Variants in ENTREP2 observed in about 807,000 individuals in gnomAD.
The protein encoded by ENTREP2 is protein ENTREP2.
At chr15:29,400,312 A>C in the ENTREP2 span, among the ~76,000 whole-genome samples, 1 of 152,312 alleles carries the variant, frequency 6.6e-6, no homozygotes, top group South Asian at 2.1e-4. Context: ...GGTAAGCAAA[A>C]AGGCAGAATA....
chr15:29,530,508 G>A, the ENTREP2 span, among the ~76,000 whole-genome samples: 6 of 152,148 alleles, frequency 3.9e-5, no homozygotes, highest in Non-Finnish European at 7.3e-5. Context: ...GCAACTACCA[G>A]ATCGATCAAG....
the ENTREP2 span, among the ~76,000 whole-genome samples, chr15:29,625,068 A>C: frequency 6.6e-6 from 1 of 151,970 alleles, no homozygotes; most frequent in Non-Finnish European, 1.5e-5. Context: ...CCTGTTCTCT[A>C]TCTCTATAGT....
At chr15:29,208,683 G>A in the ENTREP2 span, among the ~76,000 whole-genome samples, 1 of 152,160 alleles carries the variant, frequency 6.6e-6, no homozygotes, top group African/African-American at 2.4e-5. Flanking sequence ...TATACCTATA[G>A]GTATACCCTA....
At chr15:29,650,612 A>C in the ENTREP2 span, among the ~76,000 whole-genome samples, 8,856 of 152,032 alleles carry the variant, frequency 0.058, 274 homozygotes, top group Middle Eastern at 0.092. Context: ...AAAAAACAAA[A>C]AAAAAAAATT....
At chr15:29,551,146 A>G in the ENTREP2 span, among the ~76,000 whole-genome samples, 1 of 152,170 alleles carries the variant, frequency 6.6e-6, no homozygotes, top group Non-Finnish European at 1.5e-5. Flanking sequence ...GATCTCCCAT[A>G]TGAGTTCCTT....
the ENTREP2 span, among the ~76,000 whole-genome samples, chr15:29,155,787 T>C: frequency 3.8e-4 from 58 of 152,334 alleles, no homozygotes; most frequent in Admixed American, 2.5e-3. Flanking sequence ...GGTTCTTCAT[T>C]GCCTGATAGT....
the ENTREP2 span, among the ~76,000 whole-genome samples, chr15:29,407,091 T>C: frequency 2.0e-5 from 3 of 152,110 alleles, no homozygotes; most frequent in African/African-American, 7.2e-5. Context: ...CTTAGGTGAG[T>C]CCATCATTGT....
At chr15:29,297,421 G>A in the ENTREP2 span, among the ~76,000 whole-genome samples, 24 of 152,134 alleles carry the variant, frequency 1.6e-4, no homozygotes, top group Non-Finnish European at 2.8e-4. Flanking sequence ...AAAAACCAAT[G>A]TATTCTCCTG....
At chr15:29,424,845 G>C in the ENTREP2 span, among the ~76,000 whole-genome samples, 1 of 152,268 alleles carries the variant, frequency 6.6e-6, no homozygotes, top group East Asian at 1.9e-4. Flanking sequence ...GCAGGCACAA[G>C]ACCAGCAAGC....
chr15:29,572,773 G>T, the ENTREP2 span, among the ~76,000 whole-genome samples: 1 of 152,050 alleles, frequency 6.6e-6, no homozygotes, highest in South Asian at 2.1e-4. Context: ...TCGGTCTAGT[G>T]GGAAGACTGG....
the ENTREP2 span, among the ~76,000 whole-genome samples, chr15:29,144,535 C>G: frequency 6.6e-6 from 1 of 152,056 alleles, no homozygotes; most frequent in African/African-American, 2.4e-5. Flanking sequence ...TCGAGACCAG[C>G]CTGGGCATCA....
the ENTREP2 span, among the ~76,000 whole-genome samples, chr15:29,225,895 C>A: frequency 1.3e-5 from 2 of 152,196 alleles, 1 homozygote; most frequent in Non-Finnish European, 2.9e-5. Flanking sequence ...CCACGTCCAC[C>A]ACACCTCCCC....
chr15:29,601,993 T>A, the ENTREP2 span, among the ~76,000 whole-genome samples: 12 of 152,378 alleles, frequency 7.9e-5, no homozygotes, highest in Non-Finnish European at 1.8e-4. Context: ...GCCCCATTTG[T>A]GCTCCATGCA....
At chr15:29,443,024 G>A in the ENTREP2 span, among the ~76,000 whole-genome samples, 6 of 152,180 alleles carry the variant, frequency 3.9e-5, no homozygotes, top group Admixed American at 1.3e-4. Flanking sequence ...CAAAGACAGC[G>A]TCTCTGCGAA....
the ENTREP2 span, among the ~76,000 whole-genome samples, chr15:29,646,123 G>T: frequency 6.6e-6 from 1 of 152,172 alleles, no homozygotes; most frequent in African/African-American, 2.4e-5. Flanking sequence ...TATGTCTTCT[G>T]TTCTCTGATT....
chr15:29,279,805 T>G, the ENTREP2 span, among the ~76,000 whole-genome samples: 1 of 152,202 alleles, frequency 6.6e-6, no homozygotes, highest in African/African-American at 2.4e-5. Context: ...TCCAAAAAAC[T>G]ATTTTCACAA....
chr15:29,137,547 C>T, the ENTREP2 span, among the ~76,000 whole-genome samples: 13 of 152,132 alleles, frequency 8.5e-5, no homozygotes, highest in African/African-American at 3.1e-4. Context: ...TTTAAGACGG[C>T]ACTTCGGCTG....
At chr15:29,615,749 G>C in the ENTREP2 span, among the ~76,000 whole-genome samples, 1 of 152,118 alleles carries the variant, frequency 6.6e-6, no homozygotes, top group East Asian at 1.9e-4. Context: ...TTCTATTTTG[G>C]GTTGAACTTG....
At chr15:29,197,710 G>A in the ENTREP2 span, among the ~76,000 whole-genome samples, 2 of 150,982 alleles carry the variant, frequency 1.3e-5, no homozygotes, top group African/African-American at 4.9e-5. Context: ...AGGTTGCAGT[G>A]AGCTGAGATC....
Sources: allele counts gnomAD v4.1 joint callset (sites outside exome capture counted in the v4.1 genomes callset), GRCh38; gene constraint gnomAD v4.1.1; transcripts MANE v1.5; gene names NCBI Gene and HGNC (gene_info 2026-07-23, HGNC 2026-07-21).